The following NECAB2 variants were observed in gnomAD, a reference collection of about 807,000 sequenced individuals.
NECAB2 encodes N-terminal EF-hand calcium binding protein 2.
Under a neutral mutation model 51.9 loss-of-function variants are expected in NECAB2, and 68 were observed. That is an observed-to-expected ratio of 1.31 (90% CI 1.08 to 1.60). The LOEUF is 1.60. Among genes scored for constraint, NECAB2 ranks in the 40% most tolerant of loss-of-function variants. NECAB2 has a pLI of 0.00. For missense variants in NECAB2, 854 were observed against 490.3 expected (o/e 1.74, Z -7.00); for synonymous variants, 329 against 203.5 (o/e 1.62, Z -5.25).
In NECAB2 at chr16:84,001,753, G is replaced by A. The variant is rs113713990; in HGVS notation, c.1041-72G>A. On this transcript the variant is annotated intron_variant, in intron 11 of 12. Coordinates refer to ENST00000305202, the MANE Select transcript of NECAB2 (RefSeq NM_019065.3). The stretch of plus-strand genomic sequence containing the variant: ...AGCTCCCCATTTTGGGCTAGAGCTA[G>A]GATTAACAGGGGAGCCACACGCGGA... The A allele has an allele frequency of 1.1e-3, 1,621 of 1,539,256 alleles. 13 individuals are homozygous for A. The African/African-American group carries it at 0.02, about 19-fold the overall frequency.
At chr16:83,969,853 G>C (rs1324642780) in intron 1 of NECAB2, among the ~76,000 whole-genome samples, 1 of 152,150 alleles carries the variant, frequency 6.6e-6, no homozygotes, top group African/African-American at 2.4e-5. Context: ...CGCGTGTATC[G>C]CGGATCCCTG....
intron 2 of NECAB2, among the ~76,000 whole-genome samples, chr16:83,977,433 A>G (rs1382613044): frequency 6.6e-6 from 1 of 151,708 alleles, no homozygotes; most frequent in Non-Finnish European, 1.5e-5. Context: ...TTCTTAAGCC[A>G]CCTCCCCTGG....
chr16:83,970,885 G>C (rs2084340290), intron 1 of NECAB2, among the ~76,000 whole-genome samples: 1 of 152,164 alleles, frequency 6.6e-6, no homozygotes, highest in Admixed American at 6.5e-5. Flanking sequence ...CTGAGGTCAG[G>C]GGTTCGAGAC....
In NECAB2 at chr16:84,002,742, G is replaced by A. The variant is rs190112748; in HGVS notation, c.*396G>A. 2.2e-5 allele frequency: 5 copies of A among 229,598 alleles called. No individual in the cohort carries two copies. The Admixed American group carries it at 2.4e-4, about 11-fold the overall frequency. The allele number at this position is 229,598 out of a possible 1,614,324, so 14.2% of individuals were successfully genotyped here. On this transcript the variant is annotated 3_prime_UTR_variant, in exon 13 of 13. Coordinates refer to ENST00000305202, the MANE Select transcript of NECAB2 (RefSeq NM_019065.3). ...CCAACCTAGCCAGGTAGCCACCACT[G>A]TGCCCAGGCGCCAAATAAACCCTGG...
chr16:83,998,443 G>T, intron 10 of NECAB2, 126 bp downstream of exon 10: 2 of 863,012 alleles, frequency 2.3e-6, no homozygotes, highest in Non-Finnish European at 3.5e-6. Context: ...CACACAGCTG[G>T]ATGCGTAAGA....
At chr16:84,000,347 T>C (rs2084804535) in intron 10 of NECAB2, among the ~76,000 whole-genome samples, 1 of 130,184 alleles carries the variant, frequency 7.7e-6, no homozygotes, top group African/African-American at 4.6e-5. Context: ...ATGGGGAACA[T>C]AGCAAGACCC....
intron 3 of NECAB2, among the ~76,000 whole-genome samples, chr16:83,980,446 C>T (rs889559180): frequency 6.6e-6 from 1 of 152,168 alleles, no homozygotes; most frequent in Non-Finnish European, 1.5e-5. Context: ...ACTCCAGGAC[C>T]CAGCAGGCAG....
At chr16:83,984,804 T>C (rs1234351334) in intron 5 of NECAB2, among the ~76,000 whole-genome samples, 1 of 152,232 alleles carries the variant, frequency 6.6e-6, no homozygotes, top group Non-Finnish European at 1.5e-5. Flanking sequence ...TTTTAAAACC[T>C]TGTATTTGAC....
intron 10 of NECAB2, among the ~76,000 whole-genome samples, chr16:83,999,757 AC>A (rs1403418700): frequency 2.6e-5 from 4 of 151,726 alleles, no homozygotes; most frequent in Admixed American, 2.6e-4. Flanking sequence ...GTGGCCCAGC[AC>A]CCCCTCCCCT....
At chr16:83,968,107 C>T (rs2084308079), upstream of NECAB2, among the ~76,000 whole-genome samples, 2 of 151,560 alleles carry the variant, frequency 1.3e-5, no homozygotes, top group African/African-American at 4.8e-5. Flanking sequence ...AGGGGGCGGC[C>T]TGAGGGGGCG....
At chr16:83,998,040 C>G (rs546903110) in intron 9 of NECAB2, among the ~76,000 whole-genome samples, 165 bp from the exon 10 acceptor site, 2 of 152,080 alleles carry the variant, frequency 1.3e-5, no homozygotes, top group East Asian at 1.9e-4. Flanking sequence ...CTAGTCCTTT[C>G]TTAGCCCATT....
intron 11 of NECAB2, 50 bp from the exon 12 acceptor site, chr16:84,001,775 C>A (rs77670984): frequency 2.5e-6 from 4 of 1,590,156 alleles, no homozygotes; most frequent in Non-Finnish European, 2.6e-6. Flanking sequence ...GAGCCACACG[C>A]GGAGCTCCAC....
At chr16:83,984,520 C>T (rs745325835) in intron 5 of NECAB2, among the ~76,000 whole-genome samples, 1 of 151,494 alleles carries the variant, frequency 6.6e-6, no homozygotes, top group African/African-American at 2.4e-5. Context: ...CCCAGAAGTT[C>T]AAGACCACCC....
At chr16:83,997,355 C>A in intron 9 of NECAB2, 86 bp downstream of exon 9, 3 of 1,527,198 alleles carry the variant, frequency 2.0e-6, no homozygotes, top group Non-Finnish European at 1.8e-6. Flanking sequence ...ATGCCCCTGA[C>A]CCCGCTCTCC....
At chr16:83,999,763 T>A (rs577297691) in intron 10 of NECAB2, among the ~76,000 whole-genome samples, 5 of 152,138 alleles carry the variant, frequency 3.3e-5, no homozygotes, top group African/African-American at 1.2e-4. Context: ...CAGCACCCCC[T>A]CCCCTCAGCC....
rs2084859616 is a variant in NECAB2 at position 84,002,544 on chromosome 16, G to A, written c.*198G>A. ...AGGCAGAGCAGTGTCTGTGCTGCCA[G>A]GTCCTGGTGAAGCCCAAGGTTGAAG... is the stretch of plus-strand genomic sequence containing the variant. On this transcript the variant is annotated 3_prime_UTR_variant, in exon 13 of 13. Coordinates refer to ENST00000305202, the MANE Select transcript of NECAB2 (RefSeq NM_019065.3). 2 of 692,822 alleles carry A rather than the reference G, an allele frequency of 2.9e-6. No homozygotes were observed. The highest frequency in any genetic ancestry group is 4.8e-6 in the Non-Finnish European group (2 of 413,866). The allele number at this position is 692,822 out of a possible 1,614,324, so 42.9% of individuals were successfully genotyped here.
chr16:83,975,970 G>C (rs565093563), intron 2 of NECAB2, among the ~76,000 whole-genome samples: 3 of 152,152 alleles, frequency 2.0e-5, no homozygotes, highest in Non-Finnish European at 2.9e-5. Flanking sequence ...AATGTCAGCC[G>C]AAAGCTTAGT....
At position 83,994,600 on chromosome 16, in the gene NECAB2, C is replaced by G. The variant is rs762935428; in HGVS notation, c.716-9C>G. On this transcript the variant is annotated splice_polypyrimidine_tract_variant and intron_variant, in intron 7 of 12. Transcript: ENST00000305202. ...CACTGAAGTCTGTGTGTCTCTTTCT[C>G]TACCGCAGCCACGGAGGATGCAAAG... The G allele has an allele frequency of 3.7e-6, 6 of 1,613,958 alleles. No homozygotes were observed. The African/African-American group carries it at 6.7e-5, about 18-fold the overall frequency.
At position 83,994,345 on chromosome 16, in the gene NECAB2, T is replaced by C; in HGVS notation, c.640T>C (p.Cys214Arg). 3.1e-6 allele frequency: 5 copies of C among 1,614,078 alleles called. No individual in the cohort carries two copies. Among genetic ancestry groups the C allele is most frequent in the Non-Finnish European group, 4.2e-6 (5 of 1,180,000 alleles). Residue 214 changes from cysteine to arginine, a missense_variant, in exon 7 of 13, where the codon TGT becomes CGT. Coordinates refer to ENST00000305202, the MANE Select transcript of NECAB2 (RefSeq NM_019065.3). ...KPSHSAAQTWCGSPTPASAPN... is the reference protein window; with the variant it reads ...KPSHSAAQTWRGSPTPASAPN... ...CAGCCACAGCGCGGCACAGACCTGG[T>C]GTGGAAGCCCCACTCCCGCCTCTGC...
Sources: gnomAD v4.1 joint callset for allele counts (sites outside exome capture counted in the v4.1 genomes callset) on GRCh38, gnomAD v4.1.1 for gene constraint, MANE v1.5 for transcripts, NCBI Gene and HGNC (gene_info 2026-07-23, HGNC 2026-07-21) for gene names.